The following CYP2C18 variants were observed in gnomAD, a reference collection of about 807,000 sequenced individuals.
CYP2C18 encodes the protein cytochrome P450 family 2 subfamily C member 18.
Under a neutral mutation model 41.3 loss-of-function variants are expected in CYP2C18, and 38 were observed. The observed-to-expected ratio is 0.92, with a 90% confidence interval of 0.71 to 1.21. CYP2C18 has a LOEUF of 1.21. Ranked by LOEUF, CYP2C18 falls within the 50% of genes most tolerant of loss-of-function variation. CYP2C18 has a pLI of 0.00. For missense variants in CYP2C18, 635 were observed against 591.4 expected, an observed-to-expected ratio of 1.07 and a Z score of -0.77; for synonymous variants, 236 against 210.0, an observed-to-expected ratio of 1.12 and a Z score of -1.07.
chr10:94,722,978 T>C lies in CYP2C18; in HGVS notation c.962-1368T>C, dbSNP rs1001605319. Among the ~76,000 whole-genome samples the C allele has an allele frequency of 6.6e-5, 10 of 152,030 alleles. 1 individual carries two copies. Among genetic ancestry groups the C allele is most frequent in the Admixed American group, 1.3e-4 (2 of 15,238 alleles). Reference sequence around the variant, plus strand: ...CCAGCAAAGTGAATGAAATGGAAAATATTCATCCAAGACACCAGACCATGG... The same window carrying C: ...CCAGCAAAGTGAATGAAATGGAAAACATTCATCCAAGACACCAGACCATGG... On this transcript the variant is annotated intron_variant, in intron 6 of 8. Coordinates refer to ENST00000285979, the MANE Select transcript of CYP2C18 (RefSeq NM_000772.3).
intron 4 of CYP2C18, among the ~76,000 whole-genome samples, chr10:94,706,181 G>A (rs1409656): frequency 6.6e-6 from 1 of 152,164 alleles, no homozygotes; most frequent in Non-Finnish European, 1.5e-5. Context: ...TACAGTTTTG[G>A]CTGTGCTGAG....
rs1452342468 is a variant in CYP2C18 at position 94,683,761 on chromosome 10, T to C, written c.-59T>C. 1 of 1,322,380 alleles carries C rather than the reference T, an allele frequency of 7.6e-7. No individual in the cohort carries two copies. The highest frequency in any genetic ancestry group is 1.5e-5 in the African/African-American group (1 of 67,546). The allele number at this position is 1,322,380 out of a possible 1,614,324, so 81.9% of individuals were successfully genotyped here. A position where few individuals can be genotyped will look rare whatever the true frequency, so the allele number is the denominator to read the frequency against. On this transcript the variant is annotated 5_prime_UTR_variant, in exon 1 of 9. Transcript: ENST00000285979. ...GAATCACAGGTGGATTAGTAGGGAG[T>C]GTTATAAAAGCCTTGAAGTGAAAGC...
chr10:94,728,723 T>C (rs1847783302), intron 7 of CYP2C18: 1 of 381,842 alleles, frequency 2.6e-6, no homozygotes, highest in African/African-American at 2.2e-5. Context: ...TATGAACAGA[T>C]TCCAAATTCT....
At chr10:94,732,722 T>C (rs756557105) in intron 7 of CYP2C18, among the ~76,000 whole-genome samples, 3 of 151,938 alleles carry the variant, frequency 2.0e-5, no homozygotes, top group Non-Finnish European at 2.9e-5. Context: ...AAACCAAATA[T>C]TGTACGTTCT....
chr10:94,699,144 A>G (rs1376402201), intron 4 of CYP2C18, among the ~76,000 whole-genome samples: 1 of 152,164 alleles, frequency 6.6e-6, no homozygotes, highest in Non-Finnish European at 1.5e-5. Context: ...CCAGCATCAT[A>G]CTGATACCAA....
intron 4 of CYP2C18, among the ~76,000 whole-genome samples, chr10:94,696,850 C>T (rs186292217): frequency 8.6e-5 from 13 of 151,880 alleles, no homozygotes; most frequent in South Asian, 2.1e-4. Context: ...CCTCAGTAGC[C>T]GATTTGATCA....
intron 5 of CYP2C18, among the ~76,000 whole-genome samples, chr10:94,707,236 T>A (rs1847361022): frequency 6.6e-6 from 1 of 152,130 alleles, no homozygotes; most frequent in Non-Finnish European, 1.5e-5. Flanking sequence ...AAATATAGCA[T>A]CATAAATTGA....
chr10:94,685,652 G>A (rs866609274), intron 1 of CYP2C18, among the ~76,000 whole-genome samples: 25 of 152,060 alleles, frequency 1.6e-4, no homozygotes, highest in African/African-American at 5.1e-4. Context: ...GCTGAAGAGT[G>A]CTTTCCCCAT....
intron 5 of CYP2C18, among the ~76,000 whole-genome samples, chr10:94,718,065 T>C (rs1342424044): frequency 6.6e-6 from 1 of 152,072 alleles, no homozygotes; most frequent in East Asian, 1.9e-4. Context: ...ATTTTAACAA[T>C]ATCAACTCTT....
At chr10:94,688,406 T>G in intron 3 of CYP2C18, 132 bp downstream of exon 3, 1 of 1,126,206 alleles carries the variant, frequency 8.9e-7, no homozygotes, top group South Asian at 1.7e-5. Context: ...GAATGTGTAA[T>G]GATCAAGTTA....
At chr10:94,710,474 T>C (rs749822888) in intron 5 of CYP2C18, among the ~76,000 whole-genome samples, 1 of 152,210 alleles carries the variant, frequency 6.6e-6, no homozygotes, top group Non-Finnish European at 1.5e-5. Context: ...TGGGAAGTAA[T>C]GCCATTTTAA....
chr10:94,694,081 G>A (rs183716263), intron 3 of CYP2C18, among the ~76,000 whole-genome samples: 56 of 152,130 alleles, frequency 3.7e-4, no homozygotes, highest in Non-Finnish European at 5.3e-4. Flanking sequence ...TTTTTTTGAT[G>A]GCTAGATAGA....
At chr10:94,725,455 T>A (rs770765901) in intron 7 of CYP2C18, among the ~76,000 whole-genome samples, 1 of 152,092 alleles carries the variant, frequency 6.6e-6, no homozygotes, top group African/African-American at 2.4e-5. Flanking sequence ...TATAACTCAG[T>A]TTTCTCTTTA....
At chr10:94,699,325 A>G (rs1382243159) in intron 4 of CYP2C18, among the ~76,000 whole-genome samples, 3 of 152,242 alleles carry the variant, frequency 2.0e-5, no homozygotes, top group Non-Finnish European at 2.9e-5. Flanking sequence ...CTGGTTCAAC[A>G]TACACAAATC....
intron 4 of CYP2C18, among the ~76,000 whole-genome samples, chr10:94,704,484 G>GA (rs1223009573): frequency 6.6e-6 from 1 of 151,370 alleles, no homozygotes; most frequent in Non-Finnish European, 1.5e-5. Flanking sequence ...AAGAGACATA[G>GA]AAAAAATATA....
At chr10:94,732,091 A>G (rs1424756784) in intron 7 of CYP2C18, among the ~76,000 whole-genome samples, 1 of 152,228 alleles carries the variant, frequency 6.6e-6, no homozygotes, top group Admixed American at 6.5e-5. Flanking sequence ...GCATCTGACA[A>G]AGGTCTAATA....
chr10:94,726,285 G>A (rs1483273634), intron 7 of CYP2C18, among the ~76,000 whole-genome samples: 1 of 151,944 alleles, frequency 6.6e-6, no homozygotes, highest in Admixed American at 6.6e-5. Flanking sequence ...TGCCATGGTG[G>A]TTCGCTGCAC....
intron 7 of CYP2C18, among the ~76,000 whole-genome samples, chr10:94,732,081 G>A (rs547370746): frequency 3.9e-5 from 6 of 152,184 alleles, no homozygotes; most frequent in African/African-American, 1.4e-4. Flanking sequence ...TGCAAACTAT[G>A]CATCTGACAA....
intron 6 of CYP2C18, among the ~76,000 whole-genome samples, chr10:94,722,924 C>G (rs1847671419): frequency 6.6e-6 from 1 of 152,040 alleles, no homozygotes; most frequent in Non-Finnish European, 1.5e-5. Context: ...CATTTTTCAC[C>G]ATTTAGATAG....
Sources: gnomAD v4.1 joint callset for allele counts (sites outside exome capture counted in the v4.1 genomes callset) on GRCh38, gnomAD v4.1.1 for gene constraint, MANE v1.5 for transcripts, NCBI Gene and HGNC (gene_info 2026-07-23, HGNC 2026-07-21) for gene names.